PKNOX1: variants seen among roughly 807,000 people sequenced by gnomAD.
PKNOX1 encodes the protein PBX/knotted 1 homeobox 1, also known as homeobox protein PKNOX1.
A neutral mutation model predicts 51.9 loss-of-function variants in PKNOX1; 15 were observed. The observed-to-expected ratio is 0.29, with a 90% CI of 0.19 to 0.45. The LOEUF is 0.45. Among genes scored for constraint, PKNOX1 ranks in the 20% least tolerant of loss-of-function variants. The pLI is 1.00. For synonymous variants in PKNOX1, 219 were observed against 211.1 expected, an observed-to-expected ratio of 1.04 and a Z score of -0.32; for missense variants, 462 against 547.5, an observed-to-expected ratio of 0.84 and a Z score of 1.56.
intron 1 of PKNOX1, among the ~76,000 whole-genome samples, chr21:42,996,686 C>T (rs1978519192): frequency 1.3e-5 from 2 of 152,164 alleles, no homozygotes; most frequent in Non-Finnish European, 1.5e-5. Context: ...GAAGCTAGCA[C>T]AACTACATAG....
intron 9 of PKNOX1, among the ~76,000 whole-genome samples, chr21:43,026,426 T>TGCCTCTG (rs1265144261): frequency 1.3e-5 from 2 of 152,228 alleles, no homozygotes; most frequent in African/African-American, 4.8e-5. Context: ...CATTAGTTCA[T>TGCCTCTG]GCCTCTGCTG....
chr21:42,991,818 AC>A (rs1300632649), intron 1 of PKNOX1, among the ~76,000 whole-genome samples: 2 of 151,878 alleles, frequency 1.3e-5, no homozygotes, highest in African/African-American at 4.8e-5. Flanking sequence ...CTAAAAAGAA[AC>A]CCTGGGCAGT....
intron 8 of PKNOX1, among the ~76,000 whole-genome samples, chr21:43,023,345 G>A (rs1054605196): frequency 6.6e-6 from 1 of 152,026 alleles, no homozygotes; most frequent in African/African-American, 2.4e-5. Context: ...ATCTGAGGCC[G>A]CTCCGTCCCC....
chr21:43,020,756 A>G (rs1284723381), intron 7 of PKNOX1, among the ~76,000 whole-genome samples: 1 of 152,078 alleles, frequency 6.6e-6, no homozygotes, highest in African/African-American at 2.4e-5. Flanking sequence ...AGGAAGTCAC[A>G]TGTTCTCACT....
At chr21:42,975,089 G>A (rs2058986007) in intron 1 of PKNOX1, among the ~76,000 whole-genome samples, 1 of 144,744 alleles carries the variant, frequency 6.9e-6, no homozygotes, top group Non-Finnish European at 1.5e-5. Flanking sequence ...GGGGCGGCGG[G>A]CGTGAGGGTC....
At chr21:43,012,357 C>G (rs1441678408) in intron 4 of PKNOX1, among the ~76,000 whole-genome samples, 1 of 152,032 alleles carries the variant, frequency 6.6e-6, no homozygotes, top group African/African-American at 2.4e-5. Context: ...GTCAGGAGTT[C>G]GTGAACAGCC....
intron 7 of PKNOX1, among the ~76,000 whole-genome samples, chr21:43,020,185 G>A (rs1367999148): frequency 2.0e-5 from 3 of 152,128 alleles, no homozygotes; most frequent in African/African-American, 7.2e-5. Flanking sequence ...CTCCTGCCTT[G>A]GCCTCCCAAA....
intron 1 of PKNOX1, among the ~76,000 whole-genome samples, chr21:42,985,305 CCTT>C (rs2059046605): frequency 6.6e-6 from 1 of 151,748 alleles, no homozygotes; most frequent in South Asian, 2.1e-4. Context: ...TCTTTCTGTT[CCTT>C]TTTTTGTTTG....
chr21:43,010,735 ATG>A, intron 4 of PKNOX1, among the ~76,000 whole-genome samples: 1 of 151,844 alleles, frequency 6.6e-6, no homozygotes, highest in South Asian at 2.1e-4. Context: ...ATGGTGGCAC[ATG>A]CCTGTAGTCC....
Position 43,016,916 on chromosome 21 carries a change from A to G in PKNOX1, c.531A>G (p.Gln177=). 1 of 1,601,796 alleles carries G rather than the reference A, an allele frequency of 6.2e-7. No homozygotes were observed. Among genetic ancestry groups the G allele is most frequent in the East Asian group, 2.2e-5 (1 of 44,672 alleles). Residue 177 remains glutamine, a synonymous_variant, in exon 6 of 11, where the codon CAA becomes CAG. Transcript: ENST00000291547. The stretch of plus-strand genomic sequence containing the variant: ...TGTGTTCTGACTTGCAGCAGATTCA[A>G]AGTGCCATCACAGGCACCATCAGCC... The part of the protein sequence containing the change: ...PYSPVQSQQI[Q]SAITGTISPQ...
At chr21:42,997,016 G>A (rs1220195470) in intron 1 of PKNOX1, among the ~76,000 whole-genome samples, 1 of 151,896 alleles carries the variant, frequency 6.6e-6, no homozygotes, top group East Asian at 1.9e-4. Context: ...AAGTAGCTGG[G>A]ACTATAGGCA....
intron 9 of PKNOX1, among the ~76,000 whole-genome samples, chr21:43,027,999 G>A (rs935771692): frequency 6.6e-6 from 1 of 152,210 alleles, no homozygotes; most frequent in African/African-American, 2.4e-5. Flanking sequence ...TATCACAGGC[G>A]TGAGTGCCTG....
rs781702142 is a variant in PKNOX1 at position 43,013,249 on chromosome 21, T to C, written c.522+11T>C. On this transcript the variant is annotated intron_variant, in intron 5 of 10. Transcript: ENST00000291547. The stretch of plus-strand genomic sequence containing the variant: ...CCAGTGCAGTCCCAGGTACTTACAT[T>C]TGGGGGTCTCGCTTTCCCTCTCTGC... The C allele has an allele frequency of 2.6e-6, 4 of 1,558,478 alleles. No homozygotes were observed. Among genetic ancestry groups the C allele is most frequent in the East Asian group, 2.3e-5 (1 of 43,192 alleles).
At chr21:42,980,723 T>C (rs1184182796) in intron 1 of PKNOX1, among the ~76,000 whole-genome samples, 2 of 152,250 alleles carry the variant, frequency 1.3e-5, no homozygotes, top group African/African-American at 4.8e-5. Flanking sequence ...GTAACCGGAT[T>C]GAGCTGTGGC....
chr21:42,983,902 A>G (rs994077447), intron 1 of PKNOX1, among the ~76,000 whole-genome samples: 3 of 152,076 alleles, frequency 2.0e-5, no homozygotes, highest in African/African-American at 7.2e-5. Context: ...CAGCCATCCT[A>G]ATGGATTTGA....
Position 43,030,260 on chromosome 21 carries a change from AGT to A in PKNOX1, c.*191_*192del, listed in dbSNP as rs9325621. 4,023 of 457,308 alleles carry A rather than the reference AGT, an allele frequency of 8.8e-3. 15 individuals are homozygous for A. Among genetic ancestry groups the A allele is most frequent in the East Asian group, 0.023 (653 of 28,712 alleles). The allele number at this position is 457,308 out of a possible 1,614,324, so 28.3% of individuals were successfully genotyped here. ...TTTGCCGGTGCAGCGACTTCTTTCAAGTGTGTGTGTGTGTGTGTGTGTGTGTG... is the reference window on the plus strand; with the variant it reads ...TTTGCCGGTGCAGCGACTTCTTTCAAGTGTGTGTGTGTGTGTGTGTGTGTG... On this transcript the variant is annotated 3_prime_UTR_variant, in exon 11 of 11. Transcript: ENST00000291547.
chr21:42,997,552 C>T (rs571782842), intron 1 of PKNOX1, among the ~76,000 whole-genome samples: 1 of 152,300 alleles, frequency 6.6e-6, no homozygotes, highest in East Asian at 1.9e-4. Context: ...GTATTTAGTG[C>T]CTATTGACAT....
intron 9 of PKNOX1, 125 bp downstream of exon 9, chr21:43,025,072 AG>A: frequency 1.5e-6 from 1 of 661,512 alleles, no homozygotes; most frequent in Non-Finnish European, 2.6e-6. Context: ...TTCCCAACTG[AG>A]ACGGGGTCTT....
chr21:42,977,236 A>G (rs934383734), intron 1 of PKNOX1, among the ~76,000 whole-genome samples: 1 of 152,212 alleles, frequency 6.6e-6, no homozygotes, highest in African/African-American at 2.4e-5. Context: ...CACTGGCTTC[A>G]GCTTAAAGTC....
Sources: allele counts gnomAD v4.1 joint callset (sites outside exome capture counted in the v4.1 genomes callset), GRCh38; gene constraint gnomAD v4.1.1; transcripts MANE v1.5; gene names NCBI Gene and HGNC (gene_info 2026-07-23, HGNC 2026-07-21).